FAM193A: variants seen among roughly 807,000 people sequenced by gnomAD.
FAM193A encodes protein FAM193A.
A neutral mutation model predicts 126.5 loss-of-function variants in FAM193A; 22 were observed. The ratio of observed to expected loss-of-function variants is 0.17; its 90% CI spans 0.12 to 0.25. FAM193A has a LOEUF of 0.25. FAM193A is among the 10% of genes least tolerant of loss of function. The probability of loss-of-function intolerance (pLI) is 1.00; values close to 1 mark genes in which losing one functional copy is unlikely to be tolerated. For synonymous variants in FAM193A, 761 were observed against 646.8 expected (o/e 1.18, Z -2.68); for missense variants, 1,675 against 1,672.8 (o/e 1.00, Z -0.02).
chr4:2,676,588 T>C (rs1452723459), intron 13 of FAM193A, among the ~76,000 whole-genome samples: 1 of 152,198 alleles, frequency 6.6e-6, no homozygotes, highest in Non-Finnish European at 1.5e-5. Context: ...TGCAAGTATT[T>C]TCTCCCATTC....
At chr4:2,638,231 C>T (rs1744278823) in intron 5 of FAM193A, among the ~76,000 whole-genome samples, 1 of 152,246 alleles carries the variant, frequency 6.6e-6, no homozygotes, top group African/African-American at 2.4e-5. Context: ...TCACTGCCTA[C>T]TCTTCTGTTC....
At chr4:2,636,742 T>G (rs1010392731) in intron 5 of FAM193A, among the ~76,000 whole-genome samples, 10 of 152,194 alleles carry the variant, frequency 6.6e-5, no homozygotes, top group African/African-American at 2.2e-4. Flanking sequence ...AAAGTTTTCT[T>G]TTTTGCTTGA....
chr4:2,623,719 TG>T (rs1169024443), intron 2 of FAM193A, among the ~76,000 whole-genome samples: 2 of 152,032 alleles, frequency 1.3e-5, no homozygotes, highest in Non-Finnish European at 1.5e-5. Flanking sequence ...CCCGTCTCTC[TG>T]GGGGCTTGTC....
At chr4:2,690,569 G>A in intron 14 of FAM193A, 129 bp from the exon 15 acceptor site, 1 of 800,302 alleles carries the variant, frequency 1.2e-6, no homozygotes, top group Non-Finnish European at 2.0e-6. Context: ...TTGACTTAGT[G>A]TCATCCCAGT....
intron 1 of FAM193A, among the ~76,000 whole-genome samples, chr4:2,555,562 T>G (rs186690212): frequency 2.9e-3 from 435 of 152,334 alleles, no homozygotes; most frequent in African/African-American, 9.2e-3. Flanking sequence ...GAGGATCCCT[T>G]GAGCCCGGGA....
At chr4:2,706,216 AAAAT>A (rs747716115) in intron 19 of FAM193A, among the ~76,000 whole-genome samples, 21 of 152,250 alleles carry the variant, frequency 1.4e-4, no homozygotes, top group African/African-American at 3.9e-4. Flanking sequence ...TACAAAAACA[AAAAT>A]AAATAAATAA....
In FAM193A at chr4:2,659,551, C is replaced by T. The variant is rs924849301; in HGVS notation, c.1390-7C>T. 6.5e-5 allele frequency: 104 copies of T among 1,597,632 alleles called. No individual in the cohort carries two copies. The highest frequency in any genetic ancestry group is 8.4e-5 in the Non-Finnish European group (98 of 1,165,224). The stretch of plus-strand genomic sequence containing the variant: ...GCAAGATTAAAGCATTTTAAAATTT[C>T]CTCTAGTTAACCAATAAGAAAGCAG... On this transcript the variant is annotated splice_region_variant and splice_polypyrimidine_tract_variant and intron_variant, in intron 8 of 20. Transcript: ENST00000637812.
At position 2,598,158 on chromosome 4, in the gene FAM193A, G is replaced by C. The variant is rs182695435; in HGVS notation, c.501+1829G>C. 2.0e-5 allele frequency among the ~76,000 whole-genome samples: 3 copies of C among 152,308 alleles called. No individual in the cohort carries two copies. The East Asian group carries it at 5.8e-4, about 29-fold the overall frequency. ...TCCGCCCGCCTCTGCCTTCCATAGTGCTGGGATTATAGGCATGAGCCACCG... is the reference window on the plus strand; with the variant it reads ...TCCGCCCGCCTCTGCCTTCCATAGTCCTGGGATTATAGGCATGAGCCACCG... On this transcript the variant is annotated intron_variant, in intron 2 of 20. Coordinates refer to ENST00000637812, the MANE Select transcript of FAM193A (RefSeq NM_001366318.2).
At chr4:2,561,661 T>A (rs1380984619) in intron 1 of FAM193A, among the ~76,000 whole-genome samples, 1 of 151,658 alleles carries the variant, frequency 6.6e-6, no homozygotes, top group East Asian at 1.9e-4. Context: ...CATACCTGGC[T>A]AATTTTTGTA....
chr4:2,695,179 G>A (rs778345400), intron 17 of FAM193A, 50 bp downstream of exon 17: 11 of 1,463,134 alleles, frequency 7.5e-6, no homozygotes, highest in East Asian at 2.6e-5. Flanking sequence ...TGCAACACAC[G>A]GGCTCCTTTG....
intron 2 of FAM193A, among the ~76,000 whole-genome samples, chr4:2,599,988 C>T (rs958360420): frequency 3.3e-5 from 5 of 151,918 alleles, no homozygotes; most frequent in African/African-American, 1.2e-4. Context: ...CAACCTCTGC[C>T]TCCTGGGTTC....
chr4:2,583,382 C>G (rs1740061837), intron 1 of FAM193A, among the ~76,000 whole-genome samples: 1 of 152,192 alleles, frequency 6.6e-6, no homozygotes. Context: ...TGTAATCCTG[C>G]CCCTTTTGCA....
In FAM193A at chr4:2,693,636, G is replaced by T. The variant is rs1396416544; in HGVS notation, c.2854G>T (p.Ala952Ser). The change falls in exon 16 of 21, where the codon GCC (alanine) becomes TCC (serine). Residue 952 changes from alanine to serine, a missense_variant. By Grantham distance (99) the Ala-to-Ser change is moderately conservative. Coordinates refer to ENST00000637812, the MANE Select transcript of FAM193A (RefSeq NM_001366318.2). ...GGAGGACCACAGACACTCGGCCCCA[G>T]CCGCCCCGAGGAATAGCCCCACGGG... Reference protein sequence around the residue: ...SKEDHRHSAPAAPRNSPTGLA... With the variant: ...SKEDHRHSAPSAPRNSPTGLA... The T allele has an allele frequency of 1.2e-6, 2 of 1,613,980 alleles. No homozygotes were observed. Among genetic ancestry groups the T allele is most frequent in the East Asian group, 4.5e-5 (2 of 44,886 alleles).
chr4:2,571,861 C>T (rs924421489), intron 1 of FAM193A, among the ~76,000 whole-genome samples: 92 of 149,376 alleles, frequency 6.2e-4, no homozygotes, highest in Non-Finnish European at 1.2e-4. Context: ...TTTTTGTTTA[C>T]TACTTTCTAA....
chr4:2,610,816 C>T (rs1463769765), intron 2 of FAM193A, among the ~76,000 whole-genome samples: 2 of 152,120 alleles, frequency 1.3e-5, no homozygotes, highest in Non-Finnish European at 2.9e-5. Flanking sequence ...CGGCTCACCG[C>T]AGCCTCCGCC....
chr4:2,731,374 A>G (rs1010651357), intron 20 of FAM193A, among the ~76,000 whole-genome samples: 2 of 151,778 alleles, frequency 1.3e-5, no homozygotes, highest in Non-Finnish European at 2.9e-5. Flanking sequence ...TCAAAAAAAA[A>G]AGGATTTCAC....
chr4:2,561,551 C>T (rs1449661210), intron 1 of FAM193A, among the ~76,000 whole-genome samples: 2 of 146,084 alleles, frequency 1.4e-5, no homozygotes, highest in African/African-American at 5.1e-5. Flanking sequence ...GGCTGGAGTG[C>T]AGTGGCGCAA....
At chr4:2,689,767 C>A in intron 14 of FAM193A, 63 bp downstream of exon 14, 1 of 1,196,290 alleles carries the variant, frequency 8.4e-7, no homozygotes, top group Non-Finnish European at 1.2e-6. Flanking sequence ...GACATCTTTG[C>A]CGTAGTCTCC....
chr4:2,714,179 G>A (rs1719296896), intron 19 of FAM193A, among the ~76,000 whole-genome samples: 1 of 151,998 alleles, frequency 6.6e-6, no homozygotes, highest in Non-Finnish European at 1.5e-5. Flanking sequence ...ATCTGTAAAT[G>A]CTCCGGCCCT....
Sources: gnomAD v4.1 joint callset for allele counts (sites outside exome capture counted in the v4.1 genomes callset) on GRCh38, gnomAD v4.1.1 for gene constraint, MANE v1.5 for transcripts, NCBI Gene and HGNC (gene_info 2026-07-23, HGNC 2026-07-21) for gene names.